The following DENND4A variants were observed in gnomAD, a reference collection of about 807,000 sequenced individuals.
DENND4A encodes the protein C-myc promoter-binding protein.
A neutral mutation model predicts 199.3 loss-of-function variants in DENND4A; 70 were observed. The ratio of observed to expected loss-of-function variants is 0.35; its 90% CI spans 0.29 to 0.43. DENND4A has a LOEUF of 0.43. Ranked by LOEUF, DENND4A falls within the 20% of genes least tolerant of loss-of-function variation. The pLI is 1.00. For synonymous variants in DENND4A, 686 were observed against 766.9 expected (o/e 0.89, Z 1.74); for missense variants, 1,723 against 2,255.8 (o/e 0.76, Z 4.78).
chr15:65,711,413 G>C (rs1272837179), intron 14 of DENND4A, among the ~76,000 whole-genome samples: 1 of 152,062 alleles, frequency 6.6e-6, no homozygotes, highest in Non-Finnish European at 1.5e-5. Context: ...AAATCACTTG[G>C]GCCCAGGAGG....
chr15:65,669,848 C>T lies in DENND4A; in HGVS notation c.4718G>A (p.Cys1573Tyr), dbSNP rs749771490. 2 of 1,613,754 alleles carry T rather than the reference C, an allele frequency of 1.2e-6. No homozygotes were observed. Among genetic ancestry groups the T allele is most frequent in the Non-Finnish European group, 1.7e-6 (2 of 1,179,740 alleles). The change falls in exon 27 of 33, where the codon TGC (cysteine) becomes TAC (tyrosine). Residue 1573 changes from cysteine (C) to tyrosine (Y), a missense_variant. Physicochemically the swap from Cys to Tyr is radical, Grantham distance 194 (BLOSUM62 -2). Coordinates refer to ENST00000443035, the MANE Select transcript of DENND4A (RefSeq NM_001320835.1). ...SSISSQTRQS[C>Y]ISTSASGLDT... is the part of the protein sequence containing the mutation. ...AAGACCAGAGGCTGATGTTGAAATG[C>T]AAGACTGCCTCGTCTGACTTGAAAT...
At chr15:65,716,201 T>TAC (rs2075392704) in intron 13 of DENND4A, among the ~76,000 whole-genome samples, 1 of 152,042 alleles carries the variant, frequency 6.6e-6, no homozygotes, top group Admixed American at 6.6e-5. Context: ...TCTCCTACTT[T>TAC]ACCTTTGTCT....
chr15:65,780,527 T>C (rs946655271), intron 1 of DENND4A, among the ~76,000 whole-genome samples: 1 of 152,208 alleles, frequency 6.6e-6, no homozygotes. Context: ...GAAAGACTAA[T>C]GGTCAACTTT....
At chr15:65,763,749 T>C (rs2076914109) in intron 1 of DENND4A, among the ~76,000 whole-genome samples, 1 of 144,138 alleles carries the variant, frequency 6.9e-6, no homozygotes, top group Non-Finnish European at 1.5e-5. Flanking sequence ...GAAAGCAAAA[T>C]AATATATTCA....
At chr15:65,763,826 T>C (rs1046907480) in intron 1 of DENND4A, among the ~76,000 whole-genome samples, 3 of 152,092 alleles carry the variant, frequency 2.0e-5, no homozygotes, top group Non-Finnish European at 2.9e-5. Context: ...AAAATGAGGA[T>C]GCCAAAAGTT....
At chr15:65,727,835 CT>C in intron 11 of DENND4A, 1 of 398,256 alleles carries the variant, frequency 2.5e-6, no homozygotes, top group South Asian at 1.9e-5. Context: ...TATAAAAAGG[CT>C]TTAAAAATAG....
At chr15:65,744,499 T>C (rs980331277) in intron 4 of DENND4A, among the ~76,000 whole-genome samples, 1 of 152,152 alleles carries the variant, frequency 6.6e-6, no homozygotes, top group South Asian at 2.1e-4. Flanking sequence ...CATCATCTTA[T>C]CAGAGAGTCT....
intron 23 of DENND4A, among the ~76,000 whole-genome samples, chr15:65,679,120 AGTCTAGCTCTGTCACCCGGGCT>A (rs2076483928): frequency 6.6e-6 from 1 of 151,894 alleles, no homozygotes; most frequent in Non-Finnish European, 1.5e-5. Flanking sequence ...TTTGAGACAG[AGTCTAGCTCTGTCACCCGGGCT>A]GGAGTGCAGT....
chr15:65,714,690 T>C (rs913343503), intron 14 of DENND4A, among the ~76,000 whole-genome samples: 1 of 152,222 alleles, frequency 6.6e-6, no homozygotes, highest in Non-Finnish European at 1.5e-5. Context: ...ACTCTGACAC[T>C]GCATGTTGTG....
chr15:65,737,811 G>T lies in DENND4A; in HGVS notation c.936C>A (p.Cys312Ter). The T allele has an allele frequency of 6.3e-7, 1 of 1,599,768 alleles. No individual in the cohort carries two copies. The highest frequency in any genetic ancestry group is 8.5e-7 in the Non-Finnish European group (1 of 1,172,592). ...AAGGCCAGTGAGAAAGAAGACAGAT[G>T]CATTTGTTAGTATGAATTGTTTTGG... ...DSSKTIHTNK[C>*]ICLLSHWPFF... Residue 312 changes from cysteine to a stop codon, truncating the protein, a stop_gained, in exon 7 of 33, where the codon TGC (cysteine) becomes TGA (stop). Coordinates refer to ENST00000443035, the MANE Select transcript of DENND4A (RefSeq NM_001320835.1). LOFTEE classifies it high-confidence loss of function.
intron 23 of DENND4A, among the ~76,000 whole-genome samples, chr15:65,687,328 C>G (rs2076821276): frequency 6.6e-6 from 1 of 152,020 alleles, no homozygotes; most frequent in South Asian, 2.1e-4. Context: ...TGTCAAACAT[C>G]TATGCATATT....
rs1427524598 is a variant in DENND4A at position 65,676,652 on chromosome 15, A to G, written c.4180-18T>C. On this transcript the variant is annotated intron_variant, in intron 23 of 32. Transcript: ENST00000443035. ...CTTTGATCCTAAGGACATAATTATA[A>G]GCTTAATTTCTTGTACATTTAAAGG... The G allele has an allele frequency of 6.3e-7, 1 of 1,587,468 alleles. No individual in the cohort carries two copies. Among genetic ancestry groups the G allele is most frequent in the East Asian group, 2.3e-5 (1 of 44,368 alleles).
rs2076006490 is a variant in DENND4A, at chr15:65,665,529, A to G, written c.5242-67T>C. 8 of 1,226,818 alleles carry G rather than the reference A, an allele frequency of 6.5e-6. No individual in the cohort carries two copies. In the South Asian group the frequency reaches 1.4e-4, roughly 21 times the overall value. 76.0% of individuals were successfully genotyped at this position (1,226,818 alleles called of 1,614,324 possible). ...TAATTTTTCATAAGTATTTTATAAAATTCTTATAAATATTTTTTAGGATGT... is the reference window on the plus strand; with the variant it reads ...TAATTTTTCATAAGTATTTTATAAAGTTCTTATAAATATTTTTTAGGATGT... On this transcript the variant is annotated intron_variant, in intron 29 of 32. Coordinates refer to ENST00000443035, the MANE Select transcript of DENND4A (RefSeq NM_001320835.1).
At chr15:65,755,635 G>A (rs1023761637) in intron 3 of DENND4A, among the ~76,000 whole-genome samples, 3 of 151,934 alleles carry the variant, frequency 2.0e-5, no homozygotes, top group African/African-American at 7.3e-5. Context: ...ATGTGACAGC[G>A]TGTATCTATA....
rs1417128907 is a variant in DENND4A at position 65,690,988 on chromosome 15, A to G, written c.3606T>C (p.Phe1202=). ...ATCCTGTTGCGACATCAGTTTTTTCAAAAGGTTTTACTGAAAAGCTGCTGT... is the reference window on the plus strand; with the variant it reads ...ATCCTGTTGCGACATCAGTTTTTTCGAAAGGTTTTACTGAAAAGCTGCTGT... The part of the protein sequence containing the change: ...RMNSSFSVKP[F]EKTDVATGFD... Residue 1202 remains phenylalanine, a synonymous_variant, in exon 23 of 33, where the codon TTT becomes TTC. Transcript: ENST00000443035. The G allele has an allele frequency of 3.1e-6, 5 of 1,607,052 alleles. No individual in the cohort carries two copies. Among genetic ancestry groups the G allele is most frequent in the Non-Finnish European group, 4.3e-6 (5 of 1,176,334 alleles).
rs962822408 is a variant in DENND4A at position 65,738,789 on chromosome 15, T to C, written c.718A>G (p.Thr240Ala). 6.2e-7 allele frequency: 1 copy of C among 1,611,528 alleles called. No individual in the cohort carries two copies. ...CTATTTGATGGCCAACATTCAATGG[T>C]TGCACCCATTGGTAAACAAAATAGA... is the stretch of plus-strand genomic sequence containing the variant. ...VPLFCLPMGA[T>A]IECWPSNSKY... The change falls in exon 6 of 33, where the codon ACC becomes GCC. Residue 240 changes from threonine (T) to alanine (A), a missense_variant. This residue lies in a region of DENND4A where 725 missense variants were observed against 952.9 expected (regional missense o/e 0.76). Coordinates refer to ENST00000443035, the MANE Select transcript of DENND4A (RefSeq NM_001320835.1).
intron 24 of DENND4A, among the ~76,000 whole-genome samples, chr15:65,674,255 C>CA (rs1037879159): frequency 4.6e-5 from 7 of 151,532 alleles, no homozygotes; most frequent in Admixed American, 3.3e-4. Context: ...TTTATGTTTT[C>CA]AAAAAAACAC....
chr15:65,768,749 G>A (rs931314257), intron 1 of DENND4A, among the ~76,000 whole-genome samples: 1 of 151,996 alleles, frequency 6.6e-6, no homozygotes, highest in Non-Finnish European at 1.5e-5. Flanking sequence ...TTGGGAGGCC[G>A]AGGCAGGTAG....
chr15:65,742,097 C>A (rs938367074), intron 4 of DENND4A, among the ~76,000 whole-genome samples: 4 of 152,172 alleles, frequency 2.6e-5, no homozygotes, highest in Admixed American at 6.5e-5. Flanking sequence ...AAATGATAAA[C>A]TATAAAGTAT....
Sources: allele counts gnomAD v4.1 joint callset (sites outside exome capture counted in the v4.1 genomes callset), GRCh38; gene constraint gnomAD v4.1.1; regional missense constraint gnomAD v4.1.1; transcripts MANE v1.5; gene names NCBI Gene and HGNC (gene_info 2026-07-23, HGNC 2026-07-21).